The following TENM4 variants were observed in gnomAD, a reference collection of about 807,000 sequenced individuals.
TENM4 encodes teneurin transmembrane protein 4.
Under a neutral mutation model 243.3 loss-of-function variants are expected in TENM4, and 82 were observed. The observed-to-expected ratio is 0.34, with a 90% confidence interval of 0.28 to 0.40. TENM4 has a LOEUF of 0.40. TENM4 is among the 10% of genes least tolerant of loss of function. The probability of loss-of-function intolerance (pLI) is 1.00; values close to 1 mark genes in which losing one functional copy is unlikely to be tolerated. For missense variants in TENM4, 3,138 were observed against 3,673.3 expected, an observed-to-expected ratio of 0.85 and a Z score of 3.77; for synonymous variants, 1,412 against 1,456.3, an observed-to-expected ratio of 0.97 and a Z score of 0.69.
intron 1 of TENM4, among the ~76,000 whole-genome samples, chr11:79,421,166 A>G (rs1454340076): frequency 1.3e-5 from 2 of 152,310 alleles, no homozygotes; most frequent in African/African-American, 4.8e-5. Flanking sequence ...CAATGCTTAT[A>G]AAGCTTTAAA....
At chr11:79,428,958 C>T (rs1859111267) in intron 1 of TENM4, among the ~76,000 whole-genome samples, 1 of 152,172 alleles carries the variant, frequency 6.6e-6, no homozygotes, top group Non-Finnish European at 1.5e-5. Context: ...ATGACTAGTT[C>T]CCACCTGGAA....
intron 4 of TENM4, among the ~76,000 whole-genome samples, chr11:79,075,004 T>C (rs1860503463): frequency 6.6e-6 from 1 of 152,242 alleles, no homozygotes; most frequent in African/African-American, 2.4e-5. Flanking sequence ...CTAAGCCATC[T>C]AGAGTGAACT....
At chr11:79,424,135 G>A (rs888124052) in intron 1 of TENM4, among the ~76,000 whole-genome samples, 2 of 152,198 alleles carry the variant, frequency 1.3e-5, no homozygotes, top group Non-Finnish European at 2.9e-5. Context: ...AACCAGGGAC[G>A]GACAATCTTG....
chr11:79,332,681 A>C (rs1321341556), intron 1 of TENM4, among the ~76,000 whole-genome samples: 1 of 152,116 alleles, frequency 6.6e-6, no homozygotes, highest in Non-Finnish European at 1.5e-5. Context: ...AGATAAATAA[A>C]CTGAGACTAA....
At chr11:79,319,033 C>CT (rs1856846437) in intron 1 of TENM4, among the ~76,000 whole-genome samples, 1 of 152,164 alleles carries the variant, frequency 6.6e-6, no homozygotes, top group African/African-American at 2.4e-5. Context: ...AGTGAGAGTG[C>CT]TGAAAGCTTT....
chr11:79,402,159 GA>G (rs1202612945), intron 1 of TENM4: 2 of 325,092 alleles, frequency 6.2e-6, no homozygotes, highest in East Asian at 8.4e-5. Context: ...TTAGGTTTCT[GA>G]AAACCCCTGG....
intron 6 of TENM4, among the ~76,000 whole-genome samples, chr11:79,052,835 T>C (rs977876444): frequency 5.3e-5 from 8 of 152,298 alleles, no homozygotes; most frequent in African/African-American, 1.9e-4. Flanking sequence ...CAGACTATTC[T>C]GGAGAGTAGA....
In TENM4 at chr11:78,658,646, C is replaced by T; in HGVS notation, c.7722G>A (p.Leu2574=). The T allele has an allele frequency of 6.2e-7, 1 of 1,614,052 alleles. No individual in the cohort carries two copies. The highest frequency in any genetic ancestry group is 8.5e-7 in the Non-Finnish European group (1 of 1,179,906). Residue 2574 remains leucine (L), a synonymous_variant, in exon 34 of 34, where the codon TTG becomes TTA. Coordinates refer to ENST00000278550, the MANE Select transcript of TENM4 (RefSeq NM_001098816.3). ...TGTCTGTGGTCACTCGGCCATCCTTCAAGGCAAACTTGACCCCCTTGCCAA... is the reference window on the plus strand; with the variant it reads ...TGTCTGTGGTCACTCGGCCATCCTTTAAGGCAAACTTGACCCCCTTGCCAA... ...SVFGKGVKFA[L]KDGRVTTDII...
chr11:79,107,666 G>A (rs1218333435), intron 4 of TENM4, among the ~76,000 whole-genome samples: 10 of 152,174 alleles, frequency 6.6e-5, no homozygotes, highest in Non-Finnish European at 1.0e-4. Context: ...AGATCACTCC[G>A]CTCATCAATG....
intron 6 of TENM4, among the ~76,000 whole-genome samples, chr11:78,938,887 C>A (rs1856836604): frequency 6.6e-6 from 1 of 152,192 alleles, no homozygotes; most frequent in African/African-American, 2.4e-5. Flanking sequence ...ACAAGACTTT[C>A]CTTTGTTCTT....
intron 6 of TENM4, among the ~76,000 whole-genome samples, chr11:79,003,933 G>T (rs1760488507): frequency 6.7e-6 from 1 of 149,864 alleles, no homozygotes; most frequent in Admixed American, 6.7e-5. Flanking sequence ...TAAAGGAATG[G>T]AGAAAAATCT....
intron 6 of TENM4, among the ~76,000 whole-genome samples, chr11:78,972,803 A>T (rs1179531205): frequency 4.6e-5 from 7 of 152,182 alleles, no homozygotes; most frequent in Non-Finnish European, 8.8e-5. Context: ...CCTAAAGAGA[A>T]ACTCCACACT....
chr11:79,138,367 A>C (rs1862159397), intron 4 of TENM4, among the ~76,000 whole-genome samples: 2 of 123,702 alleles, frequency 1.6e-5, no homozygotes, highest in Admixed American at 1.0e-4. Flanking sequence ...AATATATAAT[A>C]TAAATATAAT....
At chr11:78,928,073 T>C (rs189518133) in intron 6 of TENM4, among the ~76,000 whole-genome samples, 1 of 152,198 alleles carries the variant, frequency 6.6e-6, no homozygotes, top group Non-Finnish European at 1.5e-5. Context: ...TGTGGTAGGG[T>C]CACTGTCTTC....
At chr11:79,345,639 G>T (rs1226539368) in intron 1 of TENM4, among the ~76,000 whole-genome samples, 4 of 152,172 alleles carry the variant, frequency 2.6e-5, no homozygotes, top group Non-Finnish European at 4.4e-5. Context: ...CCATTTAGCT[G>T]TAGGAGTTCA....
At chr11:79,123,882 T>C (rs1189814524) in intron 4 of TENM4, among the ~76,000 whole-genome samples, 1 of 152,196 alleles carries the variant, frequency 6.6e-6, no homozygotes, top group Non-Finnish European at 1.5e-5. Flanking sequence ...GAGCCTTTAG[T>C]GTGCTAGTGG....
intron 2 of TENM4, among the ~76,000 whole-genome samples, chr11:79,278,788 T>C (rs1856104314): frequency 6.6e-6 from 1 of 152,168 alleles, no homozygotes; most frequent in Non-Finnish European, 1.5e-5. Flanking sequence ...GCTGGGTATG[T>C]GTGTACATGT....
intron 30 of TENM4, among the ~76,000 whole-genome samples, chr11:78,675,184 C>A (rs1245791756): frequency 6.6e-6 from 1 of 152,120 alleles, no homozygotes; most frequent in African/African-American, 2.4e-5. Flanking sequence ...TAGTCTTTAC[C>A]ACCACCTCGC....
chr11:79,259,654 C>T (rs1007636709), intron 2 of TENM4, among the ~76,000 whole-genome samples: 1 of 125,654 alleles, frequency 8.0e-6, no homozygotes, highest in African/African-American at 3.2e-5. Context: ...TCCATCCATC[C>T]ATCTATCCAT....
Sources: gnomAD v4.1 joint callset for allele counts (sites outside exome capture counted in the v4.1 genomes callset) on GRCh38, gnomAD v4.1.1 for gene constraint, MANE v1.5 for transcripts, NCBI Gene and HGNC (gene_info 2026-07-23, HGNC 2026-07-21) for gene names.